Variants in ATP6V0E1 observed in about 807,000 individuals in gnomAD.
ATP6V0E1 encodes ATPase H+ transporting V0 subunit e1.
Under a neutral mutation model 11.6 loss-of-function variants are expected in ATP6V0E1, and 4 were observed. The ratio of observed to expected loss-of-function variants is 0.35; its 90% confidence interval spans 0.17 to 0.79. The LOEUF (loss-of-function observed/expected upper bound fraction) is 0.79, where lower values mean the gene tolerates loss of function less well. ATP6V0E1 is among the 30% of genes least tolerant of loss of function. ATP6V0E1 has a pLI of 0.54. For missense variants in ATP6V0E1, 105 were observed against 100.0 expected (o/e 1.05, Z -0.21); for synonymous variants, 36 against 34.8 (o/e 1.04, Z -0.13).
At chr5:173,020,601 T>C (rs1756463791) in intron 3 of ATP6V0E1, 1 of 533,426 alleles carries the variant, frequency 1.9e-6, no homozygotes, top group Non-Finnish European at 3.5e-6. Context: ...TACAGTTTAA[T>C]TTACAAAATT....
At chr5:173,019,906 T>G (rs1160088428) in intron 2 of ATP6V0E1, among the ~76,000 whole-genome samples, 2 of 152,176 alleles carry the variant, frequency 1.3e-5, no homozygotes, top group Non-Finnish European at 2.9e-5. Context: ...GATGATAAAT[T>G]GAGATTAAGT....
intron 1 of ATP6V0E1, among the ~76,000 whole-genome samples, chr5:172,988,693 G>A (rs1755934360): frequency 6.6e-6 from 1 of 152,116 alleles, no homozygotes; most frequent in Admixed American, 6.6e-5. Context: ...ACTATGGTGA[G>A]TTGGGGTTTT....
At chr5:173,013,152 A>G (rs1756354525) in intron 2 of ATP6V0E1, among the ~76,000 whole-genome samples, 1 of 152,176 alleles carries the variant, frequency 6.6e-6, no homozygotes, top group East Asian at 1.9e-4. Context: ...ACTCCAGTCC[A>G]GCCTGGGCAA....
At chr5:173,018,937 A>G (rs1756441116) in intron 2 of ATP6V0E1, among the ~76,000 whole-genome samples, 1 of 152,118 alleles carries the variant, frequency 6.6e-6, no homozygotes, top group Non-Finnish European at 1.5e-5. Flanking sequence ...AGAAAATTTT[A>G]AAGATAAATC....
At chr5:172,992,070 A>G (rs1477200317) in intron 1 of ATP6V0E1, among the ~76,000 whole-genome samples, 1 of 143,112 alleles carries the variant, frequency 7.0e-6, no homozygotes, top group Non-Finnish European at 1.5e-5. Flanking sequence ...ATTTTTTTTG[A>G]GACGGAGTCT....
chr5:173,020,599 A>G, intron 3 of ATP6V0E1: 1 of 530,620 alleles, frequency 1.9e-6, no homozygotes, highest in Non-Finnish European at 3.5e-6. Flanking sequence ...AATACAGTTT[A>G]ATTTACAAAA....
At chr5:173,025,059 T>C (rs1461957591) in intron 3 of ATP6V0E1, among the ~76,000 whole-genome samples, 1 of 151,448 alleles carries the variant, frequency 6.6e-6, no homozygotes, top group Non-Finnish European at 1.5e-5. Flanking sequence ...GTCAGGCTGG[T>C]CTCGAACTCT....
intron 1 of ATP6V0E1, 55 bp from the exon 2 acceptor site, chr5:172,994,720 T>C: frequency 1.4e-6 from 2 of 1,390,358 alleles, no homozygotes; most frequent in African/African-American, 1.5e-5. Context: ...CATTCTGTGA[T>C]GTTTGCATAG....
At chr5:172,997,791 C>T (rs1344490404) in intron 2 of ATP6V0E1, among the ~76,000 whole-genome samples, 8 of 141,936 alleles carry the variant, frequency 5.6e-5, no homozygotes, top group African/African-American at 1.3e-4. Flanking sequence ...CCAGTCTGGG[C>T]GACAGAGCGA....
intron 1 of ATP6V0E1, among the ~76,000 whole-genome samples, chr5:172,984,489 T>C (rs1755851304): frequency 6.6e-6 from 1 of 152,182 alleles, no homozygotes; most frequent in Non-Finnish European, 1.5e-5. Flanking sequence ...TGGGGCCTGA[T>C]CTAAAGCGAG....
chr5:173,022,469 T>TTTTTTG (rs1232882712), intron 3 of ATP6V0E1, among the ~76,000 whole-genome samples: 4 of 152,114 alleles, frequency 2.6e-5, no homozygotes, highest in East Asian at 1.9e-4. Context: ...GCTGCTGCTG[T>TTTTTTG]TTTTTGTTTT....
chr5:173,004,922 G>A (rs187302318), intron 2 of ATP6V0E1, among the ~76,000 whole-genome samples: 9 of 152,232 alleles, frequency 5.9e-5, no homozygotes, highest in Admixed American at 1.3e-4. Context: ...TCCTTTCTCC[G>A]TGAAATTGCT....
In ATP6V0E1 at chr5:172,983,877, T is replaced by A. The variant is rs1192200061; in HGVS notation, c.17T>A (p.Leu6His). 1.2e-6 allele frequency: 2 copies of A among 1,613,770 alleles called. No individual in the cohort carries two copies. The highest frequency in any genetic ancestry group is 8.5e-7 in the Non-Finnish European group (1 of 1,179,816). ...GCGGCGACCATGGCGTATCACGGCC[T>A]CACTGTGCCTCTCATTGTGATGAGC... is the stretch of plus-strand genomic sequence containing the variant. MAYHG[L>H]TVPLIVMSVF... The change falls in exon 1 of 4, where the codon CTC becomes CAC. Residue 6 changes from leucine (L) to histidine (H), a missense_variant. Transcript: ENST00000519374.
intron 1 of ATP6V0E1, among the ~76,000 whole-genome samples, chr5:172,992,842 T>C (rs1170174194): frequency 6.6e-6 from 1 of 151,872 alleles, no homozygotes; most frequent in African/African-American, 2.4e-5. Flanking sequence ...CTGTCGCCCA[T>C]GCTGGAGTGC....
chr5:173,021,884 A>C (rs1312096610), intron 3 of ATP6V0E1, among the ~76,000 whole-genome samples: 1 of 152,072 alleles, frequency 6.6e-6, no homozygotes, highest in Non-Finnish European at 1.5e-5. Flanking sequence ...AAATACAAAA[A>C]ATTAGCTGGG....
chr5:172,984,018 C>T, intron 1 of ATP6V0E1, 54 bp downstream of exon 1: 2 of 1,561,568 alleles, frequency 1.3e-6, no homozygotes, highest in Non-Finnish European at 1.8e-6. Flanking sequence ...GCTAGCAGGC[C>T]GGGGCGGGGA....
chr5:172,992,211 C>G (rs6861224), intron 1 of ATP6V0E1, among the ~76,000 whole-genome samples: 1 of 152,092 alleles, frequency 6.6e-6, no homozygotes, highest in Non-Finnish European at 1.5e-5. Flanking sequence ...CCACCACGCC[C>G]GGCTAATTTT....
At chr5:172,987,109 AAG>A (rs1755908738) in intron 1 of ATP6V0E1, 1 of 211,116 alleles carries the variant, frequency 4.7e-6, no homozygotes, top group African/African-American at 2.4e-5. Context: ...TTTAAACAAA[AAG>A]AGGAGCAGAA....
At chr5:172,994,443 G>T (rs1756031003) in intron 1 of ATP6V0E1, among the ~76,000 whole-genome samples, 1 of 152,184 alleles carries the variant, frequency 6.6e-6, no homozygotes, top group Non-Finnish European at 1.5e-5. Flanking sequence ...TTTCATTACA[G>T]AGAATACTAC....
Sources: allele counts gnomAD v4.1 joint callset (sites outside exome capture counted in the v4.1 genomes callset), GRCh38; gene constraint gnomAD v4.1.1; transcripts MANE v1.5; gene names NCBI Gene and HGNC (gene_info 2026-07-23, HGNC 2026-07-21).